NUP93: variants seen among roughly 807,000 people sequenced by gnomAD.
NUP93 encodes the protein nuclear pore complex protein Nup93.
A neutral mutation model predicts 107.8 loss-of-function variants in NUP93; 55 were observed. The ratio of observed to expected loss-of-function variants is 0.51; its 90% CI spans 0.41 to 0.64. NUP93 has a LOEUF of 0.64. NUP93 is among the 30% of genes least tolerant of loss of function. NUP93 has a pLI of 0.00. For synonymous variants in NUP93, 390 were observed against 397.5 expected, an observed-to-expected ratio of 0.98 and a Z score of 0.22; for missense variants, 937 against 1,044.7, an observed-to-expected ratio of 0.90 and a Z score of 1.42.
At chr16:56,834,712 G>A in intron 15 of NUP93, 22 bp from the exon 16 acceptor site, 1 of 1,602,990 alleles carries the variant, frequency 6.2e-7, no homozygotes, top group Non-Finnish European at 8.5e-7. Context: ...AATAATTTGA[G>A]TAAACTTTTT....
chr16:56,745,721 G>A (rs1281826074), intron 1 of NUP93, among the ~76,000 whole-genome samples: 1 of 152,164 alleles, frequency 6.6e-6, no homozygotes, highest in African/African-American at 2.4e-5. Flanking sequence ...AAGGCCAAGG[G>A]GCAGGTTTTG....
intron 9 of NUP93, 76 bp downstream of exon 9, chr16:56,829,185 T>G: frequency 1.1e-5 from 16 of 1,523,768 alleles, no homozygotes; most frequent in Non-Finnish European, 1.4e-5. Context: ...TCAGTTAAAA[T>G]GAGGGTATCT....
At chr16:56,824,823 A>T (rs1334503312) in intron 8 of NUP93, among the ~76,000 whole-genome samples, 3 of 152,198 alleles carry the variant, frequency 2.0e-5, no homozygotes, top group African/African-American at 7.2e-5. Flanking sequence ...CATTACATTC[A>T]CTAGCTTCCA....
chr16:56,761,507 AT>A lies in NUP93; in HGVS notation c.297+2853del, dbSNP rs1962125445. On this transcript the variant is annotated intron_variant, in intron 3 of 21. Coordinates refer to ENST00000308159, the MANE Select transcript of NUP93 (RefSeq NM_014669.5). ...ATTGCTTAAATGAGATATAATTCAC[AT>A]ACCATAAATGTGGTGGACTTTTGTA... Among the ~76,000 whole-genome samples the A allele has an allele frequency of 8.5e-5, 13 of 152,228 alleles. No homozygotes were observed. In the South Asian group the frequency reaches 2.5e-3, roughly 29 times the overall value.
At chr16:56,782,072 C>T (rs1962526147) in intron 3 of NUP93, 1 of 985,374 alleles carries the variant, frequency 1.0e-6, no homozygotes. Context: ...TCCCCACCCC[C>T]ATCCCTCAAT....
In NUP93 at chr16:56,832,402, C is replaced by T. The variant is rs1281062980; in HGVS notation, c.1345+14C>T. ...TGGAAGACTATGGTAAGATTCTGGACATAACCACCTTTCCCTTCTCTTGTC... is the reference window on the plus strand; with the variant it reads ...TGGAAGACTATGGTAAGATTCTGGATATAACCACCTTTCCCTTCTCTTGTC... On this transcript the variant is annotated intron_variant, in intron 12 of 21. Coordinates refer to ENST00000308159, the MANE Select transcript of NUP93 (RefSeq NM_014669.5). 1 of 1,593,650 alleles carries T rather than the reference C, an allele frequency of 6.3e-7. No individual in the cohort carries two copies. The highest frequency in any genetic ancestry group is 8.6e-7 in the Non-Finnish European group (1 of 1,161,322).
chr16:56,767,091 T>C (rs1044634151), intron 3 of NUP93, among the ~76,000 whole-genome samples: 1 of 152,372 alleles, frequency 6.6e-6, no homozygotes, highest in Non-Finnish European at 1.5e-5. Flanking sequence ...CTGACAGCCA[T>C]GCTGGGGCTA....
intron 2 of NUP93, among the ~76,000 whole-genome samples, chr16:56,751,302 A>G (rs1247989742): frequency 2.0e-5 from 3 of 152,206 alleles, no homozygotes; most frequent in Non-Finnish European, 4.4e-5. Context: ...GTAAACATTT[A>G]TTACCCCAAA....
chr16:56,758,886 T>C (rs553546246), intron 3 of NUP93, among the ~76,000 whole-genome samples: 3 of 152,352 alleles, frequency 2.0e-5, no homozygotes, highest in African/African-American at 7.2e-5. Flanking sequence ...ACCTGCACTT[T>C]TTAGATTATT....
In NUP93 at chr16:56,787,257, G is replaced by C. The variant is rs191105191; in HGVS notation, c.298-11219G>C. Among the ~76,000 whole-genome samples, 222 of 152,334 alleles carry C rather than the reference G, an allele frequency of 1.5e-3. 1 individual carries two copies. Among genetic ancestry groups the C allele is most frequent in the African/African-American group, 5.2e-3 (217 of 41,582 alleles). On this transcript the variant is annotated intron_variant, in intron 3 of 21. Transcript: ENST00000308159. ...CAGCAAAACCAGAGCTCCCTTTTCTGTGACAGATCTGTGATGATTGGTGCT... is the reference window on the plus strand; with the variant it reads ...CAGCAAAACCAGAGCTCCCTTTTCTCTGACAGATCTGTGATGATTGGTGCT...
chr16:56,783,474 C>A (rs935087804), intron 3 of NUP93: 11 of 985,356 alleles, frequency 1.1e-5, no homozygotes, highest in Non-Finnish European at 1.2e-5. Flanking sequence ...GAATCGATTT[C>A]TGAGATGAGA....
rs571454551 is a variant in NUP93 at position 56,829,953 on chromosome 16, G to T, written c.928-575G>T. Among the ~76,000 whole-genome samples, 2 of 152,228 alleles carry T rather than the reference G, an allele frequency of 1.3e-5. 1 individual carries two copies. Among genetic ancestry groups the T allele is most frequent in the South Asian group, 4.1e-4 (2 of 4,836 alleles). ...AAAGACAGAAGCGTAAGCGCAGGCCGCTGTGCAGACAAATGGCAAAACCAG... is the reference window on the plus strand; with the variant it reads ...AAAGACAGAAGCGTAAGCGCAGGCCTCTGTGCAGACAAATGGCAAAACCAG... On this transcript the variant is annotated intron_variant, in intron 9 of 21. Coordinates refer to ENST00000308159, the MANE Select transcript of NUP93 (RefSeq NM_014669.5).
chr16:56,738,767 C>A (rs1222560243), intron 1 of NUP93, among the ~76,000 whole-genome samples: 2 of 151,980 alleles, frequency 1.3e-5, no homozygotes, highest in Admixed American at 6.6e-5. Flanking sequence ...GAGAGGAGAA[C>A]AGAATCAGTA....
intron 1 of NUP93, among the ~76,000 whole-genome samples, chr16:56,736,309 G>T (rs1396089811): frequency 6.6e-6 from 1 of 152,170 alleles, no homozygotes; most frequent in African/African-American, 2.4e-5. Context: ...CTCCAGCCTG[G>T]GCAACAAAGC....
chr16:56,829,645 G>A (rs967407562), intron 9 of NUP93, among the ~76,000 whole-genome samples: 2 of 152,226 alleles, frequency 1.3e-5, no homozygotes, highest in African/African-American at 4.8e-5. Context: ...TCACCAACCT[G>A]AAGTTTTGGA....
intron 3 of NUP93, among the ~76,000 whole-genome samples, chr16:56,759,181 T>C (rs1289592065): frequency 1.3e-5 from 2 of 152,206 alleles, no homozygotes; most frequent in Non-Finnish European, 2.9e-5. Context: ...TAACCAAACA[T>C]GCCACAAGCA....
At chr16:56,752,442 T>G (rs1169357559) in intron 2 of NUP93, among the ~76,000 whole-genome samples, 1 of 152,194 alleles carries the variant, frequency 6.6e-6, no homozygotes, top group Non-Finnish European at 1.5e-5. Context: ...ATGGAGTGAT[T>G]CCAGGACATA....
At chr16:56,815,664 T>C (rs1963405538) in intron 5 of NUP93, among the ~76,000 whole-genome samples, 1 of 152,180 alleles carries the variant, frequency 6.6e-6, no homozygotes, top group Admixed American at 6.5e-5. Context: ...GTTGAAGTCT[T>C]CCACTTATTC....
Position 56,831,923 on chromosome 16 carries a change from C to A in NUP93, c.1167C>A (p.Ala389=). ...LRNNTDPYKR[A]VYCIIGRCDV... ...ACAATACAGATCCCTACAAGCGGGC[C>A]GTGTACTGTATCATTGGCAGATGTG... Residue 389 remains alanine (A), a synonymous_variant, in exon 11 of 22, where the codon GCC becomes GCA. Coordinates refer to ENST00000308159, the MANE Select transcript of NUP93 (RefSeq NM_014669.5). 6.2e-7 allele frequency: 1 copy of A among 1,614,084 alleles called. No homozygotes were observed. Among genetic ancestry groups the A allele is most frequent in the South Asian group, 1.1e-5 (1 of 91,084 alleles).
Sources: allele counts gnomAD v4.1 joint callset (sites outside exome capture counted in the v4.1 genomes callset), GRCh38; gene constraint gnomAD v4.1.1; transcripts MANE v1.5; gene names NCBI Gene and HGNC (gene_info 2026-07-23, HGNC 2026-07-21).